QKI: variants seen among roughly 807,000 people sequenced by gnomAD.
QKI encodes KH domain-containing RNA-binding protein QKI.
QKI carries 10 observed loss-of-function variants against 39.0 expected under a neutral mutation model. The observed-to-expected ratio is 0.26, with a 90% CI of 0.16 to 0.43. QKI has a LOEUF of 0.43. Ranked by LOEUF, QKI falls within the 20% of genes least tolerant of loss-of-function variation. The pLI, the probability that QKI is intolerant of heterozygous loss-of-function variation, is 1.00. For missense variants in QKI, 218 were observed against 428.0 expected (o/e 0.51, Z 4.33); for synonymous variants, 204 against 155.4 (o/e 1.31, Z -2.33).
intron 7 of QKI, chr6:163,569,696 G>A (rs1783589304): frequency 1.0e-6 from 1 of 997,468 alleles, no homozygotes; most frequent in Non-Finnish European, 1.2e-6. Context: ...AAAGAAAATA[G>A]TATTTACAGG....
intron 3 of QKI, among the ~76,000 whole-genome samples, chr6:163,522,293 A>G (rs1780211000): frequency 6.6e-6 from 1 of 152,156 alleles, no homozygotes; most frequent in Admixed American, 6.5e-5. Flanking sequence ...ATGTCTGTTC[A>G]CTTGCCTGTC....
intron 1 of QKI, among the ~76,000 whole-genome samples, chr6:163,443,178 C>G (rs1001821045): frequency 2.0e-5 from 3 of 152,100 alleles, no homozygotes; most frequent in African/African-American, 7.2e-5. Context: ...TGTTACAGAC[C>G]AAGATATTTT....
At chr6:163,554,868 C>T (rs928674570) in intron 4 of QKI, among the ~76,000 whole-genome samples, 8 of 152,210 alleles carry the variant, frequency 5.3e-5, no homozygotes, top group Non-Finnish European at 8.8e-5. Context: ...TCAGTAATCA[C>T]GCTGGCGCCC....
chr6:163,569,128 T>G, intron 7 of QKI: 1 of 931,672 alleles, frequency 1.1e-6, no homozygotes, highest in Non-Finnish European at 1.3e-6. Context: ...TGAAGTAGTA[T>G]GACTACATCA....
intron 3 of QKI, among the ~76,000 whole-genome samples, chr6:163,483,049 CAATAAGGG>C (rs1562476756): frequency 6.6e-6 from 1 of 152,116 alleles, no homozygotes; most frequent in Non-Finnish European, 1.5e-5. Context: ...CAGACCACCA[CAATAAGGG>C]AACATTGCGA....
At chr6:163,430,457 C>T (rs1366440947) in intron 1 of QKI, among the ~76,000 whole-genome samples, 1 of 151,382 alleles carries the variant, frequency 6.6e-6, no homozygotes, top group Non-Finnish European at 1.5e-5. Flanking sequence ...TTTTGTTTTC[C>T]TAGTGCATTT....
At chr6:163,566,591 C>A in intron 6 of QKI, 130 bp from the exon 7 acceptor site, 1 of 1,530,184 alleles carries the variant, frequency 6.5e-7, no homozygotes, top group Non-Finnish European at 8.8e-7. Flanking sequence ...AACTACTGTG[C>A]CTTAACGTGT....
chr6:163,570,759 A>C lies in QKI; in HGVS notation c.*49A>C. Reference sequence around the variant, plus strand: ...CTCTTCACCCAATGATGACCTGACCATGCCTGCCTGCTGATCAGTTAACTG... The same window carrying C: ...CTCTTCACCCAATGATGACCTGACCCTGCCTGCCTGCTGATCAGTTAACTG... On this transcript the variant is annotated 3_prime_UTR_variant, in exon 8 of 8. Coordinates refer to ENST00000361752, the MANE Select transcript of QKI (RefSeq NM_006775.3). The C allele has an allele frequency of 6.2e-7, 1 of 1,606,666 alleles. No individual in the cohort carries two copies. Among genetic ancestry groups the C allele is most frequent in the Admixed American group, 1.7e-5 (1 of 59,406 alleles).
chr6:163,515,764 T>C (rs886067915), intron 3 of QKI, among the ~76,000 whole-genome samples: 1 of 152,194 alleles, frequency 6.6e-6, no homozygotes, highest in African/African-American at 2.4e-5. Context: ...TATTAAACTT[T>C]CAGAAAGCAC....
intron 7 of QKI, chr6:163,570,146 C>T (rs1783615213): frequency 1.0e-6 from 1 of 985,686 alleles, no homozygotes; most frequent in African/African-American, 1.7e-5. Context: ...ACAAAAGAAA[C>T]CTTGTTTGGC....
At chr6:163,449,092 A>G (rs552901903) in intron 1 of QKI, among the ~76,000 whole-genome samples, 1 of 152,154 alleles carries the variant, frequency 6.6e-6, no homozygotes, top group Admixed American at 6.5e-5. Context: ...AAGACCTAAA[A>G]TAACTAAATC....
intron 3 of QKI, among the ~76,000 whole-genome samples, chr6:163,517,035 GACAC>G (rs111701494): frequency 1.1e-4 from 16 of 145,728 alleles, no homozygotes; most frequent in African/African-American, 3.6e-4. Flanking sequence ...AGCAGTAGGG[GACAC>G]ACACACACAC....
chr6:163,527,161 G>A (rs1780568767), intron 3 of QKI, among the ~76,000 whole-genome samples: 1 of 152,066 alleles, frequency 6.6e-6, no homozygotes, highest in Admixed American at 6.5e-5. Context: ...AAAATAATTT[G>A]CTTTGAAAGT....
chr6:163,528,430 T>C (rs1477721327), intron 3 of QKI, among the ~76,000 whole-genome samples: 1 of 152,114 alleles, frequency 6.6e-6, no homozygotes, highest in East Asian at 1.9e-4. Flanking sequence ...TGCTGTAAAG[T>C]TGCTCTGGCT....
chr6:163,439,050 A>G (rs1789530291), intron 1 of QKI, among the ~76,000 whole-genome samples: 2 of 152,102 alleles, frequency 1.3e-5, no homozygotes, highest in Non-Finnish European at 2.9e-5. Flanking sequence ...ACAAACACAC[A>G]CATTAACCTA....
chr6:163,463,374 AC>A (rs1791482920), intron 2 of QKI, among the ~76,000 whole-genome samples: 2 of 152,144 alleles, frequency 1.3e-5, no homozygotes, highest in Non-Finnish European at 2.9e-5. Context: ...GGATTAAGTG[AC>A]CTAATGCATG....
intron 3 of QKI, among the ~76,000 whole-genome samples, chr6:163,517,234 T>G (rs1779886644): frequency 6.6e-6 from 1 of 152,160 alleles, no homozygotes; most frequent in Non-Finnish European, 1.5e-5. Flanking sequence ...GTAAACCCAG[T>G]TGGTGTTTGG....
intron 4 of QKI, among the ~76,000 whole-genome samples, chr6:163,556,002 T>C (rs939838234): frequency 1.3e-5 from 2 of 152,184 alleles, no homozygotes; most frequent in Admixed American, 6.5e-5. Flanking sequence ...GTATTCTGGG[T>C]TGGAAGCCAG....
At chr6:163,445,287 CCTCA>C (rs1790060714) in intron 1 of QKI, among the ~76,000 whole-genome samples, 1 of 87,946 alleles carries the variant, frequency 1.1e-5, no homozygotes, top group East Asian at 1.9e-4. Context: ...CTGTTTTCCT[CCTCA>C]CTCTGTTGGT....
Sources: allele counts gnomAD v4.1 joint callset (sites outside exome capture counted in the v4.1 genomes callset), GRCh38; gene constraint gnomAD v4.1.1; transcripts MANE v1.5; gene names NCBI Gene and HGNC (gene_info 2026-07-23, HGNC 2026-07-21).